The following CFH variants were observed in gnomAD, a reference collection of about 807,000 sequenced individuals.
CFH encodes complement factor H, also known as H factor 1 (complement).
In CFH, 53 loss-of-function variants were observed where a neutral mutation model predicts 147.3. The ratio of observed to expected loss-of-function variants is 0.36; its 90% CI spans 0.29 to 0.45. The LOEUF (loss-of-function observed/expected upper bound fraction) is 0.45. Ranked by LOEUF, CFH falls within the 20% of genes least tolerant of loss-of-function variation. The pLI, the probability that CFH is intolerant of heterozygous loss-of-function variation, is 1.00. For missense variants in CFH, 1,380 were observed against 1,498.0 expected, an observed-to-expected ratio of 0.92 and a Z score of 1.30; for synonymous variants, 536 against 489.4, an observed-to-expected ratio of 1.10 and a Z score of -1.26.
chr1:196,692,880 T>TA (rs201556577), intron 9 of CFH, among the ~76,000 whole-genome samples: 25,537 of 98,182 alleles, frequency 0.26, 6,928 homozygotes, highest in East Asian at 0.58. Flanking sequence ...CTCTGTCACC[T>TA]CCCTCCCTCC....
chr1:196,680,078 A>G (rs1243444022), intron 6 of CFH, among the ~76,000 whole-genome samples: 1 of 151,872 alleles, frequency 6.6e-6, no homozygotes, highest in East Asian at 1.9e-4. Flanking sequence ...GAGGACTATA[A>G]TAGACTTCCT....
chr1:196,680,321 A>G (rs1667606791), intron 6 of CFH, among the ~76,000 whole-genome samples: 1 of 151,536 alleles, frequency 6.6e-6, no homozygotes, highest in Admixed American at 6.6e-5. Context: ...CAAAAAAAAA[A>G]AAAAAAACCT....
intron 6 of CFH, among the ~76,000 whole-genome samples, chr1:196,681,221 A>G (rs1379138461): frequency 2.6e-5 from 4 of 151,826 alleles, no homozygotes; most frequent in Non-Finnish European, 4.4e-5. Context: ...ATTGCAATAA[A>G]CCATCATTCC....
chr1:196,678,119 T>C (rs1667518869), intron 5 of CFH: 3 of 178,090 alleles, frequency 1.7e-5, no homozygotes, highest in Non-Finnish European at 3.6e-5. Flanking sequence ...ATTCATTATG[T>C]ATTTCCAGAG....
intron 20 of CFH, among the ~76,000 whole-genome samples, chr1:196,744,173 G>C (rs898084982): frequency 1.3e-5 from 2 of 148,592 alleles, no homozygotes; most frequent in Admixed American, 1.3e-4. Flanking sequence ...ATGTTTTTCT[G>C]TATTTTTTTT....
chr1:196,679,167 A>G (rs1445973509), intron 5 of CFH: 2 of 153,720 alleles, frequency 1.3e-5, no homozygotes, highest in African/African-American at 2.4e-5. Flanking sequence ...AATCTTGGCT[A>G]AATAGTGATG....
At chr1:196,709,576 G>C (rs1668676492) in intron 9 of CFH, among the ~76,000 whole-genome samples, 2 of 152,042 alleles carry the variant, frequency 1.3e-5, no homozygotes, top group African/African-American at 4.8e-5. Flanking sequence ...TTGATTAAGG[G>C]GGAAAAATTC....
intron 11 of CFH, among the ~76,000 whole-genome samples, chr1:196,721,917 C>A (rs1469324239): frequency 6.6e-6 from 1 of 151,710 alleles, no homozygotes; most frequent in Non-Finnish European, 1.5e-5. Context: ...ATACCTTTAC[C>A]ATGAGTTTGT....
intron 18 of CFH, 126 bp downstream of exon 18, chr1:196,740,918 C>A: frequency 2.0e-6 from 2 of 977,034 alleles, no homozygotes; most frequent in South Asian, 1.4e-5. Context: ...TTCTGGACTG[C>A]TGTGGGAAAT....
intron 9 of CFH, among the ~76,000 whole-genome samples, chr1:196,693,673 G>A (rs1039662779): frequency 1.3e-5 from 2 of 152,022 alleles, no homozygotes; most frequent in African/African-American, 4.8e-5. Context: ...AGTATAAACT[G>A]TGGATGCACT....
chr1:196,696,875 G>T (rs1053332950), intron 9 of CFH, among the ~76,000 whole-genome samples: 1 of 152,054 alleles, frequency 6.6e-6, no homozygotes, highest in African/African-American at 2.4e-5. Context: ...TCTGATCTTT[G>T]ACAAACCTGA....
In CFH at chr1:196,701,202, A is replaced by G. The variant is rs936878325; in HGVS notation, c.1336+10963A>G. 5.7e-6 allele frequency: 8 copies of G among 1,393,612 alleles called. 1 individual carries two copies. The Middle Eastern group carries it at 7.1e-4, about 123-fold the overall frequency. The allele number at this position is 1,393,612 out of a possible 1,614,324, so 86.3% of individuals were successfully genotyped here. Reference sequence around the variant, plus strand: ...GAAATTACTAGTGGAAGAAATTACTAACTCAGGGAACTCTTCTTGTTTGGT... The same window carrying G: ...GAAATTACTAGTGGAAGAAATTACTGACTCAGGGAACTCTTCTTGTTTGGT... On this transcript the variant is annotated intron_variant, in intron 9 of 21. Coordinates refer to ENST00000367429, the MANE Select transcript of CFH (RefSeq NM_000186.4).
intron 7 of CFH, among the ~76,000 whole-genome samples, chr1:196,688,982 T>C (rs768801860): frequency 6.6e-6 from 1 of 151,926 alleles, no homozygotes; most frequent in Admixed American, 6.6e-5. Context: ...TGAATTGTTC[T>C]GAGAAGAAAA....
chr1:196,727,347 T>A lies in CFH; in HGVS notation c.2236+407T>A, dbSNP rs540671429. On this transcript the variant is annotated intron_variant, in intron 14 of 21. Coordinates refer to ENST00000367429, the MANE Select transcript of CFH (RefSeq NM_000186.4). ...CAAAAGCCCATCTCTATAAAAAAAA[T>A]TTTGTAATTAGTTAAGGTGTGGTGG... is the stretch of plus-strand genomic sequence containing the variant. 1.6e-3 allele frequency among the ~76,000 whole-genome samples: 242 copies of A among 151,958 alleles called. 2 individuals carry two copies. The highest frequency in any genetic ancestry group is 9.8e-3 in the South Asian group (47 of 4,816).
intron 1 of CFH, among the ~76,000 whole-genome samples, chr1:196,671,973 G>T (rs1667297468): frequency 6.6e-6 from 1 of 151,596 alleles, no homozygotes; most frequent in African/African-American, 2.4e-5. Flanking sequence ...CATCCAGAGT[G>T]ACTTTCAAAT....
chr1:196,658,465 G>T (rs925336848), intron 1 of CFH, among the ~76,000 whole-genome samples: 3 of 138,080 alleles, frequency 2.2e-5, no homozygotes, highest in African/African-American at 8.4e-5. Context: ...AGGCTGGAGT[G>T]CAGTGTCGCT....
chr1:196,740,254 C>T (rs1652766106), intron 17 of CFH, among the ~76,000 whole-genome samples: 2 of 152,174 alleles, frequency 1.3e-5, no homozygotes, highest in South Asian at 4.1e-4. Flanking sequence ...ACTTCTTTTA[C>T]ATTCTTCCCA....
intron 11 of CFH, among the ~76,000 whole-genome samples, chr1:196,717,128 T>G (rs542628632): frequency 4.6e-5 from 7 of 151,978 alleles, no homozygotes; most frequent in Admixed American, 4.6e-4. Flanking sequence ...GCCATAGACA[T>G]AAAAATAAGG....
intron 1 of CFH, among the ~76,000 whole-genome samples, chr1:196,656,974 GTTTGT>G (rs1288483544): frequency 6.6e-6 from 1 of 151,800 alleles, no homozygotes; most frequent in Non-Finnish European, 1.5e-5. Flanking sequence ...TAAGTTGTTT[GTTTGT>G]TTGTTTGTTT....
Sources: gnomAD v4.1 joint callset for allele counts (sites outside exome capture counted in the v4.1 genomes callset) on GRCh38, gnomAD v4.1.1 for gene constraint, MANE v1.5 for transcripts, NCBI Gene and HGNC (gene_info 2026-07-23, HGNC 2026-07-21) for gene names.